HIBADH: variants seen among roughly 807,000 people sequenced by gnomAD.
The protein encoded by HIBADH is 3-hydroxyisobutyrate dehydrogenase.
HIBADH carries 25 observed loss-of-function variants against 36.1 expected under a neutral mutation model. That is an observed-to-expected ratio of 0.69 (90% CI 0.50 to 0.97). HIBADH has a LOEUF of 0.97. HIBADH is among the 50% of genes least tolerant of loss of function. The pLI is 0.00. For missense variants in HIBADH, 421 were observed against 418.0 expected, an observed-to-expected ratio of 1.01 and a Z score of -0.06; for synonymous variants, 160 against 149.5, an observed-to-expected ratio of 1.07 and a Z score of -0.51.
In HIBADH at chr7:27,649,646, C is replaced by T. The variant is rs1786142578; in HGVS notation, c.92-13G>A. The T allele has an allele frequency of 1.9e-6, 3 of 1,558,988 alleles. No homozygotes were observed. The highest frequency in any genetic ancestry group is 2.6e-6 in the Non-Finnish European group (3 of 1,150,032). On this transcript the variant is annotated splice_polypyrimidine_tract_variant and intron_variant, in intron 1 of 7. Transcript: ENST00000265395. ...GACCTAGAACACACTGATTTCAATA[C>T]ATTATTTTCAATAGGGGCAAATAAC...
chr7:27,631,644 C>T (rs989102174), intron 3 of HIBADH, among the ~76,000 whole-genome samples: 5 of 152,132 alleles, frequency 3.3e-5, no homozygotes. Flanking sequence ...TTTCTCAGAG[C>T]CAGGGAAGAC....
At chr7:27,658,899 T>C (rs960803105) in intron 1 of HIBADH, among the ~76,000 whole-genome samples, 1 of 152,140 alleles carries the variant, frequency 6.6e-6, no homozygotes, top group Non-Finnish European at 1.5e-5. Context: ...GCCTTTACGG[T>C]TTCAGTCAAC....
intron 4 of HIBADH, among the ~76,000 whole-genome samples, chr7:27,565,801 C>T (rs117905260): frequency 6.6e-6 from 1 of 151,990 alleles, no homozygotes; most frequent in Non-Finnish European, 1.5e-5. Flanking sequence ...ATGCCTTTAT[C>T]AGTTTTAGGA....
chr7:27,583,430 T>C (rs904391159), intron 4 of HIBADH, among the ~76,000 whole-genome samples: 4 of 104,558 alleles, frequency 3.8e-5, no homozygotes, highest in African/African-American at 8.3e-5. Context: ...AATACTGTTA[T>C]GACAACTTCA....
At chr7:27,568,921 A>AT (rs70994661) in intron 4 of HIBADH, among the ~76,000 whole-genome samples, 101,797 of 144,198 alleles carry the variant, frequency 0.71, 35,966 homozygotes, top group East Asian at 0.93. Flanking sequence ...TTTTTTCCAA[A>AT]TTTTTTTTTT....
At chr7:27,543,221 A>T in intron 4 of HIBADH, 121 bp from the exon 5 acceptor site, 1 of 958,136 alleles carries the variant, frequency 1.0e-6, no homozygotes, top group Non-Finnish European at 1.6e-6. Context: ...TATTTATGCC[A>T]GGCATGTATA....
At chr7:27,577,678 T>C (rs551708590) in intron 4 of HIBADH, among the ~76,000 whole-genome samples, 1 of 152,338 alleles carries the variant, frequency 6.6e-6, no homozygotes, top group South Asian at 2.1e-4. Context: ...AAGGATTATA[T>C]ATCCCTTCAT....
At chr7:27,639,919 TAC>T (rs1279338370) in intron 2 of HIBADH, among the ~76,000 whole-genome samples, 7 of 152,074 alleles carry the variant, frequency 4.6e-5, no homozygotes, top group African/African-American at 1.7e-4. Context: ...ATAATCCACG[TAC>T]AGTCAAGCAA....
intron 2 of HIBADH, among the ~76,000 whole-genome samples, chr7:27,640,896 A>G (rs1343396092): frequency 1.3e-5 from 2 of 152,186 alleles, no homozygotes; most frequent in Non-Finnish European, 1.5e-5. Context: ...TTATAATCCT[A>G]TGGGACCACC....
intron 4 of HIBADH, among the ~76,000 whole-genome samples, chr7:27,574,858 T>C: frequency 6.6e-6 from 1 of 152,224 alleles, no homozygotes; most frequent in South Asian, 2.1e-4. Flanking sequence ...AAAATGAACA[T>C]ACCATTTTAA....
intron 4 of HIBADH, among the ~76,000 whole-genome samples, chr7:27,618,843 G>C (rs1297315443): frequency 6.6e-6 from 1 of 152,120 alleles, no homozygotes; most frequent in South Asian, 2.1e-4. Context: ...GGGAGCAAGA[G>C]AGAAGGGGGA....
intron 5 of HIBADH, among the ~76,000 whole-genome samples, chr7:27,540,358 G>A (rs1252461597): frequency 2.6e-5 from 4 of 152,170 alleles, no homozygotes; most frequent in Non-Finnish European, 4.4e-5. Context: ...AGCCTCTTCT[G>A]TTAATTACTC....
intron 4 of HIBADH, among the ~76,000 whole-genome samples, chr7:27,564,737 CAG>C (rs1473395955): frequency 6.6e-6 from 1 of 152,194 alleles, no homozygotes; most frequent in East Asian, 1.9e-4. Context: ...CTTTACTACA[CAG>C]AGTCTTCAAA....
intron 4 of HIBADH, among the ~76,000 whole-genome samples, chr7:27,599,680 CAAAAA>C (rs3072889): frequency 3.2e-4 from 13 of 41,082 alleles, no homozygotes; most frequent in Non-Finnish European, 4.4e-4. Flanking sequence ...ACTCTGTCTC[CAAAAA>C]AAAAAAAAAA....
chr7:27,564,743 C>G (rs1371589800), intron 4 of HIBADH, among the ~76,000 whole-genome samples: 1 of 152,196 alleles, frequency 6.6e-6, no homozygotes, highest in Non-Finnish European at 1.5e-5. Flanking sequence ...TACACAGAGT[C>G]TTCAAATCCA....
intron 4 of HIBADH, among the ~76,000 whole-genome samples, chr7:27,617,800 T>C (rs1419265668): frequency 6.6e-6 from 1 of 152,160 alleles, no homozygotes; most frequent in East Asian, 1.9e-4. Context: ...GGTGGAGATC[T>C]GGAAACCCTG....
At chr7:27,635,519 C>CA (rs945976633) in intron 2 of HIBADH, among the ~76,000 whole-genome samples, 1 of 152,122 alleles carries the variant, frequency 6.6e-6, no homozygotes, top group Non-Finnish European at 1.5e-5. Flanking sequence ...AAAATAAAAA[C>CA]AGTGATTTGG....
At chr7:27,642,801 G>A (rs1404021652) in intron 2 of HIBADH, among the ~76,000 whole-genome samples, 2 of 151,590 alleles carry the variant, frequency 1.3e-5, no homozygotes, top group East Asian at 1.9e-4. Context: ...ACAGGCGCCC[G>A]CCATTACGCC....
intron 4 of HIBADH, among the ~76,000 whole-genome samples, chr7:27,599,726 G>C (rs1197179503): frequency 8.4e-6 from 1 of 119,740 alleles, no homozygotes; most frequent in Non-Finnish European, 1.8e-5. Flanking sequence ...CTGAACAACA[G>C]AAAGTAAAAT....
Sources: gnomAD v4.1 joint callset for allele counts (sites outside exome capture counted in the v4.1 genomes callset) on GRCh38, gnomAD v4.1.1 for gene constraint, MANE v1.5 for transcripts, NCBI Gene and HGNC (gene_info 2026-07-23, HGNC 2026-07-21) for gene names.